The following PACS1 variants were observed in gnomAD, a reference collection of about 807,000 sequenced individuals.
PACS1 encodes PACS-1.
PACS1 carries 24 observed loss-of-function variants against 115.0 expected under a neutral mutation model. That is an observed-to-expected ratio of 0.21 (90% CI 0.15 to 0.29). The LOEUF is 0.29. PACS1 is among the 10% of genes least tolerant of loss of function. The probability of loss-of-function intolerance (pLI) is 1.00; values close to 1 mark genes in which losing one functional copy is unlikely to be tolerated. For missense variants in PACS1, 838 were observed against 1,251.2 expected (o/e 0.67, Z 4.98); for synonymous variants, 453 against 504.5 (o/e 0.90, Z 1.37).
At chr11:66,220,443 TG>T in intron 8 of PACS1, 187 bp from the exon 9 acceptor site, 1 of 588,678 alleles carries the variant, frequency 1.7e-6, no homozygotes, top group Non-Finnish European at 3.0e-6. Flanking sequence ...GGGGGGAAGG[TG>T]GCCTCACCAT....
rs1231693860 is a variant in PACS1, at chr11:66,235,421, G to A, written c.2207+18G>A. ...CATAAGTTGTAAGTTTGACTTTGAG[G>A]GGTTTCTTAAAAATAGGTTGGGTGG... On this transcript the variant is annotated intron_variant, in intron 18 of 23. Coordinates refer to ENST00000320580, the MANE Select transcript of PACS1 (RefSeq NM_018026.4). The surrounding 1 kb of genome is among the most constrained non-coding windows in gnomAD (Gnocchi z 5.6). 6.3e-7 allele frequency: 1 copy of A among 1,580,954 alleles called. No homozygotes were observed. The highest frequency in any genetic ancestry group is 1.3e-5 in the African/African-American group (1 of 74,302).
At chr11:66,112,529 A>G (rs1342225554) in intron 1 of PACS1, among the ~76,000 whole-genome samples, 1 of 152,084 alleles carries the variant, frequency 6.6e-6, no homozygotes, top group East Asian at 1.9e-4. Context: ...TTTCTATTAC[A>G]TACCTTATCC....
In PACS1 at chr11:66,234,154, C is replaced by T; in HGVS notation, c.2016C>T (p.Tyr672=). The change falls in exon 17 of 24, where the codon TAC becomes TAT. Residue 672 remains tyrosine, a synonymous_variant. Transcript: ENST00000320580. ...IPLGSHPVAK[Y]LGSVDSKYSS... ...CAGGTTCTCACCCTGTGGCCAAATA[C>T]TTGGGGTCAGTCGACAGTAAATACA... 1 of 1,613,844 alleles carries T rather than the reference C, an allele frequency of 6.2e-7. No homozygotes were observed. The highest frequency in any genetic ancestry group is 8.5e-7 in the Non-Finnish European group (1 of 1,179,696).
chr11:66,084,024 G>A (rs1857527308), intron 1 of PACS1: 2 of 152,272 alleles, frequency 1.3e-5, no homozygotes, highest in East Asian at 2.0e-4. Context: ...AAAACAGACA[G>A]AAATTCCAGC....
chr11:66,091,515 T>C (rs1048759063), intron 1 of PACS1, among the ~76,000 whole-genome samples: 1 of 151,530 alleles, frequency 6.6e-6, no homozygotes, highest in Admixed American at 6.6e-5. Context: ...TTTTTTTCTT[T>C]TTTTTTTCTT....
intron 1 of PACS1, among the ~76,000 whole-genome samples, chr11:66,133,442 C>T (rs2134580922): frequency 6.6e-6 from 1 of 152,276 alleles, no homozygotes; most frequent in East Asian, 1.9e-4. Flanking sequence ...AGGATCTTGC[C>T]AACCTCGATG....
At chr11:66,186,277 TAA>T (rs1299093280) in intron 1 of PACS1, among the ~76,000 whole-genome samples, 8 of 139,532 alleles carry the variant, frequency 5.7e-5, no homozygotes, top group Admixed American at 7.1e-5. Flanking sequence ...CCCTGTCTCT[TAA>T]AAAAAAAAAA....
At chr11:66,177,406 G>A (rs902775069) in intron 1 of PACS1, among the ~76,000 whole-genome samples, 6 of 152,108 alleles carry the variant, frequency 3.9e-5, no homozygotes, top group African/African-American at 7.2e-5. Flanking sequence ...GGTCAAGCTG[G>A]TCTCGAACTC....
chr11:66,132,394 C>T (rs1219596235), intron 1 of PACS1, among the ~76,000 whole-genome samples: 1 of 152,112 alleles, frequency 6.6e-6, no homozygotes, highest in African/African-American at 2.4e-5. Flanking sequence ...TACCCAGTCT[C>T]ATGTAGTATC....
chr11:66,176,152 G>A (rs1424052884), intron 1 of PACS1, among the ~76,000 whole-genome samples: 2 of 152,150 alleles, frequency 1.3e-5, no homozygotes, highest in Admixed American at 6.5e-5. Context: ...ATTGTGTGAT[G>A]CAGAGTTTTG....
chr11:66,222,407 A>C (rs1377121795), intron 10 of PACS1, among the ~76,000 whole-genome samples: 1 of 152,078 alleles, frequency 6.6e-6, no homozygotes, highest in African/African-American at 2.4e-5. Context: ...CGGAGCCACG[A>C]CCTGGGCCTT....
intron 3 of PACS1, 58 bp from the exon 4 acceptor site, chr11:66,211,076 A>T: frequency 6.3e-7 from 1 of 1,593,418 alleles, no homozygotes; most frequent in Non-Finnish European, 8.6e-7. Flanking sequence ...GTCCTCCAGA[A>T]CCCCTCAAGG....
At position 66,236,939 on chromosome 11, in the gene PACS1, A is replaced by C. The variant is rs927568869; in HGVS notation, c.2250+999A>C. Among the ~76,000 whole-genome samples the C allele has an allele frequency of 6.7e-6, 1 of 149,996 alleles. No homozygotes were observed. Among genetic ancestry groups the C allele is most frequent in the Non-Finnish European group, 1.5e-5 (1 of 67,624 alleles). On this transcript the variant is annotated intron_variant, in intron 19 of 23. Coordinates refer to ENST00000320580, the MANE Select transcript of PACS1 (RefSeq NM_018026.4). The surrounding 1 kb of genome is among the most constrained non-coding windows in gnomAD (Gnocchi z 4.2). ...ACCACGCCTGGCTAATTTTTTTTTG[A>C]GACAGAGTCTCACTCTGTTGCCAGG...
At chr11:66,151,655 T>C (rs983511813) in intron 1 of PACS1, among the ~76,000 whole-genome samples, 33 of 152,182 alleles carry the variant, frequency 2.2e-4, no homozygotes, top group African/African-American at 8.0e-4. Flanking sequence ...CCAGAGTTGC[T>C]ATAACATCTT....
chr11:66,156,424 T>C (rs1365598527), intron 1 of PACS1, among the ~76,000 whole-genome samples: 1 of 151,380 alleles, frequency 6.6e-6, no homozygotes, highest in Admixed American at 6.6e-5. Context: ...TTTGTGTTTT[T>C]AGTAGAGATG....
At chr11:66,226,888 G>C (rs933357769) in intron 10 of PACS1, among the ~76,000 whole-genome samples, 1 of 152,172 alleles carries the variant, frequency 6.6e-6, no homozygotes, top group African/African-American at 2.4e-5. Context: ...CGAAAATCTG[G>C]TTATGTGTCT....
At chr11:66,087,391 G>C (rs987159789) in intron 1 of PACS1, among the ~76,000 whole-genome samples, 8 of 152,010 alleles carry the variant, frequency 5.3e-5, no homozygotes, top group African/African-American at 1.2e-4. Flanking sequence ...ACAGGCATGC[G>C]CTACCATGCC....
At chr11:66,172,070 G>A (rs1440363757) in intron 1 of PACS1, among the ~76,000 whole-genome samples, 6 of 152,184 alleles carry the variant, frequency 3.9e-5, no homozygotes, top group Admixed American at 3.9e-4. Flanking sequence ...TTGCCGTACC[G>A]TTTACTGTGC....
chr11:66,213,293 T>C (rs976658440), intron 4 of PACS1, among the ~76,000 whole-genome samples: 4 of 152,258 alleles, frequency 2.6e-5, no homozygotes, highest in East Asian at 1.9e-4. Flanking sequence ...CACAAACTTA[T>C]CAGATTTGGC....
Sources: allele counts gnomAD v4.1 joint callset (sites outside exome capture counted in the v4.1 genomes callset), GRCh38; gene constraint gnomAD v4.1.1; non-coding constraint Gnocchi (gnomAD v3.1); transcripts MANE v1.5; gene names NCBI Gene and HGNC (gene_info 2026-07-23, HGNC 2026-07-21).